The following SLC4A7 variants were observed in gnomAD, a reference collection of about 807,000 sequenced individuals.
SLC4A7 encodes sodium bicarbonate cotransporter 3.
In SLC4A7, 51 loss-of-function variants were observed where a neutral mutation model predicts 137.6. The observed-to-expected ratio is 0.37, with a 90% CI of 0.30 to 0.47. SLC4A7 has a LOEUF of 0.47. SLC4A7 is among the 20% of genes least tolerant of loss of function. The pLI, the probability that SLC4A7 is intolerant of heterozygous loss-of-function variation, is 1.00. For synonymous variants in SLC4A7, 542 were observed against 518.6 expected, an observed-to-expected ratio of 1.05 and a Z score of -0.61; for missense variants, 1,247 against 1,525.4, an observed-to-expected ratio of 0.82 and a Z score of 3.04.
chr3:27,380,231 C>CG (rs1180500930), intron 24 of SLC4A7, among the ~76,000 whole-genome samples: 3 of 151,312 alleles, frequency 2.0e-5, no homozygotes, highest in African/African-American at 7.3e-5. Flanking sequence ...CTCTTGAACC[C>CG]GGGGGGCAGA....
chr3:27,476,753 C>T (rs2059475794), intron 1 of SLC4A7, among the ~76,000 whole-genome samples: 1 of 152,150 alleles, frequency 6.6e-6, no homozygotes, highest in African/African-American at 2.4e-5. Flanking sequence ...TTCCTGAGTC[C>T]TCCTAGCCAT....
intron 2 of SLC4A7, among the ~76,000 whole-genome samples, chr3:27,449,189 C>T (rs898887640): frequency 2.6e-5 from 4 of 151,780 alleles, no homozygotes; most frequent in Non-Finnish European, 5.9e-5. Context: ...TATGAGCCAC[C>T]GCACCTGGCC....
Position 27,484,093 on chromosome 3 carries a change from G to T in SLC4A7, c.34C>A (p.Pro12Thr). 1.4e-6 allele frequency: 2 copies of T among 1,411,108 alleles called. No homozygotes were observed. Among genetic ancestry groups the T allele is most frequent in the Non-Finnish European group, 1.9e-6 (2 of 1,078,430 alleles). The allele number at this position is 1,411,108 out of a possible 1,614,324, so 87.4% of individuals were successfully genotyped here. A position where few individuals can be genotyped will look rare whatever the true frequency, so the allele number is the denominator to read the frequency against. The change falls in exon 1 of 26, where the codon CCG becomes ACG. Residue 12 changes from proline (P) to threonine (T), a missense_variant. Around this residue, in one of 6 missense-constraint regions of SLC4A7, gnomAD observed 176 missense variants for 186.4 expected, o/e 0.94. Transcript: ENST00000454389. ...CTGCTCGTTACCCGGGTGAGTAGCG[G>T]TCTCATCTGCTCGCCGGCCCCATCA... ...EADGAGEQMR[P>T]LLTRVTSRGP...
chr3:27,429,626 G>C (rs1227124599), intron 7 of SLC4A7, among the ~76,000 whole-genome samples: 1 of 152,074 alleles, frequency 6.6e-6, no homozygotes. Context: ...AAGGTGGGTG[G>C]ATCATTTGAG....
chr3:27,452,902 C>T (rs952298028), intron 1 of SLC4A7, among the ~76,000 whole-genome samples: 1 of 152,152 alleles, frequency 6.6e-6, no homozygotes, highest in African/African-American at 2.4e-5. Flanking sequence ...TAACAGGAAA[C>T]AGCTATACTG....
rs370250009 is a variant in SLC4A7, at chr3:27,376,655, G to A, written c.*109C>T. 1.3e-5 allele frequency: 8 copies of A among 626,914 alleles called. No individual in the cohort carries two copies. Among genetic ancestry groups the A allele is most frequent in the Admixed American group, 7.7e-5 (3 of 38,976 alleles). The allele number at this position is 626,914 out of a possible 1,614,324, so 38.8% of individuals were successfully genotyped here. On this transcript the variant is annotated 3_prime_UTR_variant, in exon 26 of 26. Coordinates refer to ENST00000454389, the MANE Select transcript of SLC4A7 (RefSeq NM_001321103.2). The stretch of plus-strand genomic sequence containing the variant: ...CTCCAGACACTACTTTTAAAAACCC[G>A]GTAGTCACACATAAACAGCATGACA...
intron 1 of SLC4A7, among the ~76,000 whole-genome samples, chr3:27,472,260 C>G (rs1354922763): frequency 2.0e-5 from 3 of 152,178 alleles, no homozygotes; most frequent in Non-Finnish European, 4.4e-5. Flanking sequence ...GAGCTTAAGT[C>G]AGTGACAAGA....
chr3:27,417,323 A>G (rs1215590075), intron 11 of SLC4A7, among the ~76,000 whole-genome samples: 2 of 152,204 alleles, frequency 1.3e-5, no homozygotes, highest in Non-Finnish European at 2.9e-5. Flanking sequence ...CGCTATCATA[A>G]CCTCCAAAGG....
intron 3 of SLC4A7, among the ~76,000 whole-genome samples, chr3:27,444,938 T>C (rs1466427499): frequency 3.9e-5 from 6 of 152,190 alleles, no homozygotes; most frequent in African/African-American, 1.4e-4. Context: ...CCCTGGCATA[T>C]AGTTAATTTA....
Position 27,400,794 on chromosome 3 carries a change from G to A in SLC4A7, c.2397C>T (p.His799=). Reference sequence around the variant, plus strand: ...CAGTAAGATTTCTCCAGGAAATATTGTGTGCTGTTATATTATCTTTCTTCC... The same window carrying A: ...CAGTAAGATTTCTCCAGGAAATATTATGTGCTGTTATATTATCTTTCTTCC... ...AQWKKDNITA[H]NISWRNLTVS... Residue 799 remains histidine, a synonymous_variant, in exon 16 of 26, where the codon CAC becomes CAT. Transcript: ENST00000454389. The A allele has an allele frequency of 6.2e-7, 1 of 1,604,756 alleles. No individual in the cohort carries two copies. The highest frequency in any genetic ancestry group is 8.5e-7 in the Non-Finnish European group (1 of 1,171,860).
At position 27,394,498 on chromosome 3, in the gene SLC4A7, C is replaced by G. The variant is rs369211322; in HGVS notation, c.3117+20G>C. On this transcript the variant is annotated intron_variant, in intron 20 of 25. Coordinates refer to ENST00000454389, the MANE Select transcript of SLC4A7 (RefSeq NM_001321103.2). ...AATGTTATAATAAGATTGTAAAACA[C>G]GGCAATAAAGAAATTTTACCTTTAG... is the stretch of plus-strand genomic sequence containing the variant. The G allele has an allele frequency of 1.3e-6, 2 of 1,597,518 alleles. No homozygotes were observed. Among genetic ancestry groups the G allele is most frequent in the Non-Finnish European group, 1.7e-6 (2 of 1,168,642 alleles).
intron 22 of SLC4A7, 66 bp downstream of exon 22, chr3:27,389,865 T>A: frequency 1.7e-6 from 2 of 1,175,338 alleles, no homozygotes; most frequent in Non-Finnish European, 2.4e-6. Flanking sequence ...CAATTATAAA[T>A]ATTAATAAAA....
Position 27,376,580 on chromosome 3 carries a change from C to G in SLC4A7, c.*184G>C, listed in dbSNP as rs1192197601. The G allele has an allele frequency of 1.0e-5, 4 of 388,164 alleles. No individual in the cohort carries two copies. The highest frequency in any genetic ancestry group is 1.8e-5 in the Non-Finnish European group (4 of 216,394). 24.0% of individuals were successfully genotyped at this position (388,164 alleles called of 1,614,324 possible). On this transcript the variant is annotated 3_prime_UTR_variant, in exon 26 of 26. Transcript: ENST00000454389. ...TAGTTAAGAACCATGTACCTCACTT[C>G]AAAGAGAGCATTTCATTAAATACAT...
At chr3:27,407,971 A>G (rs898932580) in intron 13 of SLC4A7, among the ~76,000 whole-genome samples, 4 of 152,186 alleles carry the variant, frequency 2.6e-5, no homozygotes, top group Non-Finnish European at 5.9e-5. Flanking sequence ...AAGTTCTAAT[A>G]AAGCACCTGA....
chr3:27,444,840 T>C (rs1275830139), intron 3 of SLC4A7, among the ~76,000 whole-genome samples: 1 of 152,212 alleles, frequency 6.6e-6, no homozygotes, highest in Non-Finnish European at 1.5e-5. Flanking sequence ...TTTATATCCC[T>C]GATAATTTTT....
At chr3:27,392,486 C>G (rs1387294310) in intron 20 of SLC4A7, among the ~76,000 whole-genome samples, 3 of 152,122 alleles carry the variant, frequency 2.0e-5, no homozygotes, top group Non-Finnish European at 4.4e-5. Context: ...TCTAAACAAC[C>G]TAGCGTGTCT....
chr3:27,416,428 T>A (rs1004565770), intron 11 of SLC4A7, among the ~76,000 whole-genome samples: 5 of 152,226 alleles, frequency 3.3e-5, no homozygotes, highest in African/African-American at 1.2e-4. Context: ...AAGTTTTTGA[T>A]AAATTTTAGC....
chr3:27,408,079 G>A (rs989502003), intron 13 of SLC4A7, among the ~76,000 whole-genome samples: 1 of 151,848 alleles, frequency 6.6e-6, no homozygotes, highest in Non-Finnish European at 1.5e-5. Context: ...TCTCACTCAC[G>A]TGTGGCAAAG....
intron 21 of SLC4A7, chr3:27,390,305 A>C (rs2051406584): frequency 4.3e-6 from 2 of 464,318 alleles, no homozygotes; most frequent in Admixed American, 7.7e-5. Context: ...GTGGGAACCA[A>C]GCAACCACTT....
Sources: gnomAD v4.1 joint callset for allele counts (sites outside exome capture counted in the v4.1 genomes callset) on GRCh38, gnomAD v4.1.1 for gene constraint, gnomAD v4.1.1 regional missense constraint, MANE v1.5 for transcripts, NCBI Gene and HGNC (gene_info 2026-07-23, HGNC 2026-07-21) for gene names.